Variants in PPCDC observed in about 807,000 individuals in gnomAD.
The protein encoded by PPCDC is phosphopantothenoylcysteine decarboxylase.
Under a neutral mutation model 20.7 loss-of-function variants are expected in PPCDC, and 20 were observed. The observed-to-expected ratio is 0.97, with a 90% CI of 0.68 to 1.41. PPCDC has a LOEUF of 1.41. Among genes scored for constraint, PPCDC ranks in the 40% most tolerant of loss-of-function variants. The pLI, the probability that PPCDC is intolerant of heterozygous loss-of-function variation, is 0.00. For missense variants in PPCDC, 246 were observed against 263.8 expected, an observed-to-expected ratio of 0.93 and a Z score of 0.47; for synonymous variants, 88 against 100.3, an observed-to-expected ratio of 0.88 and a Z score of 0.73.
At chr15:75,029,829 T>C (rs926924995) in intron 2 of PPCDC, among the ~76,000 whole-genome samples, 19 of 152,048 alleles carry the variant, frequency 1.2e-4, no homozygotes, top group African/African-American at 4.3e-4. Flanking sequence ...CCTTTTCCCA[T>C]AGCCCCAGGG....
At chr15:75,047,296 C>T (rs376895633) in intron 4 of PPCDC, among the ~76,000 whole-genome samples, 4 of 152,298 alleles carry the variant, frequency 2.6e-5, no homozygotes, top group African/African-American at 7.2e-5. Context: ...ACTCATAGCC[C>T]GGCTGCCGTA....
chr15:75,033,878 A>G (rs562330568), intron 2 of PPCDC, among the ~76,000 whole-genome samples: 2 of 152,134 alleles, frequency 1.3e-5, no homozygotes, highest in East Asian at 3.9e-4. Flanking sequence ...TCCTGTGCAG[A>G]GCCTCCCTAG....
intron 2 of PPCDC, among the ~76,000 whole-genome samples, chr15:75,031,603 C>T (rs748388422): frequency 2.0e-5 from 3 of 152,014 alleles, no homozygotes; most frequent in African/African-American, 4.8e-5. Flanking sequence ...ACTCAGGAGG[C>T]GGAGGCAGGA....
intron 4 of PPCDC, among the ~76,000 whole-genome samples, chr15:75,046,514 T>C (rs2066236515): frequency 1.3e-5 from 2 of 152,282 alleles, no homozygotes; most frequent in Admixed American, 1.3e-4. Flanking sequence ...ATGAAATCCC[T>C]GGGCTTCCCT....
chr15:75,033,229 T>C (rs2066044904), intron 2 of PPCDC, among the ~76,000 whole-genome samples: 1 of 152,248 alleles, frequency 6.6e-6, no homozygotes, highest in African/African-American at 2.4e-5. Context: ...TACCCATTCA[T>C]TTACGTATTG....
At chr15:75,036,151 T>C (rs997249835) in intron 2 of PPCDC, among the ~76,000 whole-genome samples, 2 of 152,106 alleles carry the variant, frequency 1.3e-5, no homozygotes, top group African/African-American at 4.8e-5. Context: ...CTCAGGGAGT[T>C]TCTGCCCTGC....
intron 5 of PPCDC, among the ~76,000 whole-genome samples, 159 bp downstream of exon 5, chr15:75,048,880 G>C (rs2066276063): frequency 6.6e-6 from 1 of 152,258 alleles, no homozygotes; most frequent in East Asian, 1.9e-4. Context: ...CCTGCCTCCA[G>C]ATTGGTAGGG....
chr15:75,049,094 C>T (rs1005027762), intron 5 of PPCDC, 56 bp from the exon 6 acceptor site: 1 of 1,501,788 alleles, frequency 6.7e-7, no homozygotes, highest in South Asian at 1.1e-5. Flanking sequence ...GGGCAGGGGT[C>T]TGCAGGGCTA....
chr15:75,040,378 C>T (rs932096875), intron 2 of PPCDC, among the ~76,000 whole-genome samples: 1 of 152,010 alleles, frequency 6.6e-6, no homozygotes, highest in South Asian at 2.1e-4. Flanking sequence ...GAGTTTAGAT[C>T]GTTTTAAAAA....
At chr15:75,029,421 A>AAGGT (rs2065994733) in intron 2 of PPCDC, among the ~76,000 whole-genome samples, 1 of 152,004 alleles carries the variant, frequency 6.6e-6, no homozygotes, top group African/African-American at 2.4e-5. Flanking sequence ...TTATCAGCTG[A>AAGGT]GCACCCAAGG....
chr15:75,031,124 G>C (rs2066015534), intron 2 of PPCDC, among the ~76,000 whole-genome samples: 1 of 152,150 alleles, frequency 6.6e-6, no homozygotes, highest in African/African-American at 2.4e-5. Context: ...AGGAGGGGCA[G>C]GTTCTCAAAT....
intron 2 of PPCDC, among the ~76,000 whole-genome samples, chr15:75,030,159 C>T (rs535313337): frequency 6.6e-5 from 10 of 152,332 alleles, no homozygotes; most frequent in South Asian, 2.1e-4. Flanking sequence ...GAGGGCTCCC[C>T]GACTCAGCCT....
chr15:75,024,645 C>A (rs2065941124), intron 1 of PPCDC, among the ~76,000 whole-genome samples: 1 of 151,490 alleles, frequency 6.6e-6, no homozygotes, highest in Non-Finnish European at 1.5e-5. Context: ...TGAGCCACCA[C>A]ATCACCCTCC....
At chr15:75,044,656 GC>G in intron 4 of PPCDC, 142 bp downstream of exon 4, 3 of 1,154,096 alleles carry the variant, frequency 2.6e-6, no homozygotes, top group Non-Finnish European at 2.4e-6. Flanking sequence ...TCCCCACATC[GC>G]CCCCAGTGCT....
At chr15:75,031,825 G>A (rs1296040515) in intron 2 of PPCDC, among the ~76,000 whole-genome samples, 3 of 152,154 alleles carry the variant, frequency 2.0e-5, no homozygotes, top group Admixed American at 6.5e-5. Context: ...AGCCTGTATA[G>A]CAGCCTGAGC....
intron 2 of PPCDC, among the ~76,000 whole-genome samples, chr15:75,033,993 G>C (rs994755438): frequency 3.9e-5 from 6 of 152,226 alleles, no homozygotes; most frequent in African/African-American, 1.4e-4. Context: ...TCCCCCAGGG[G>C]CAGATGAGAG....
At chr15:75,043,138 G>C in intron 2 of PPCDC, 1 of 292,968 alleles carries the variant, frequency 3.4e-6, no homozygotes, top group Non-Finnish European at 6.5e-6. Flanking sequence ...TCTGCCACTG[G>C]GCCTACCTCT....
intron 1 of PPCDC, among the ~76,000 whole-genome samples, chr15:75,025,364 C>G (rs908267244): frequency 6.6e-6 from 1 of 152,214 alleles, no homozygotes; most frequent in Non-Finnish European, 1.5e-5. Flanking sequence ...TGAGCTTGAA[C>G]GTATACCCTG....
intron 2 of PPCDC, among the ~76,000 whole-genome samples, chr15:75,041,184 C>T (rs143054807): frequency 3.7e-4 from 56 of 152,384 alleles, no homozygotes; most frequent in African/African-American, 1.3e-3. Context: ...CTGCCCTGCT[C>T]TCCCAACCTG....
Sources: allele counts gnomAD v4.1 joint callset (sites outside exome capture counted in the v4.1 genomes callset), GRCh38; gene constraint gnomAD v4.1.1; transcripts MANE v1.5; gene names NCBI Gene and HGNC (gene_info 2026-07-23, HGNC 2026-07-21).